The following IGSF11 variants were observed in gnomAD, a reference collection of about 807,000 sequenced individuals.
IGSF11 encodes immunoglobulin superfamily member 11, also known as CXADR like 1.
In IGSF11, 22 loss-of-function variants were observed where a neutral mutation model predicts 41.0. The observed-to-expected ratio is 0.54, with a 90% CI of 0.38 to 0.77. IGSF11 has a LOEUF of 0.77. IGSF11 is among the 30% of genes least tolerant of loss of function. IGSF11 has a pLI of 0.00. For synonymous variants in IGSF11, 219 were observed against 201.3 expected, an observed-to-expected ratio of 1.09 and a Z score of -0.74; for missense variants, 444 against 530.8, an observed-to-expected ratio of 0.84 and a Z score of 1.61.
At chr3:118,909,224 T>C (rs1039821323) in intron 4 of IGSF11, among the ~76,000 whole-genome samples, 2 of 152,114 alleles carry the variant, frequency 1.3e-5, no homozygotes, top group African/African-American at 4.8e-5. Flanking sequence ...TATATTTTCA[T>C]ATGACTTATA....
At chr3:118,957,895 C>A (rs1339861750) in intron 1 of IGSF11, among the ~76,000 whole-genome samples, 1 of 152,142 alleles carries the variant, frequency 6.6e-6, no homozygotes. Flanking sequence ...GGACATCAAC[C>A]CACAAACTTC....
chr3:119,056,492 C>T (rs1941839819), intron 1 of IGSF11, among the ~76,000 whole-genome samples: 1 of 152,094 alleles, frequency 6.6e-6, no homozygotes, highest in African/African-American at 2.4e-5. Flanking sequence ...AGCTTACCAA[C>T]CAAAAAAAGT....
Position 118,902,466 on chromosome 3 carries a change from C to CCCATT in IGSF11, c.*53_*54insAATGG. On this transcript the variant is annotated 3_prime_UTR_variant, in exon 7 of 7. Coordinates refer to ENST00000393775, the MANE Select transcript of IGSF11 (RefSeq NM_001015887.3). ...CAGCACTCCCCACCCCACCCTCCCC[C>CCCATT]TTGTATGAGGGCATTCCATTTATTC... is the stretch of plus-strand genomic sequence containing the variant. 1.1e-6 allele frequency: 1 copy of CCCATT among 878,270 alleles called. No individual in the cohort carries two copies. The highest frequency in any genetic ancestry group is 1.8e-6 in the Non-Finnish European group (1 of 544,884). 54.4% of individuals were successfully genotyped at this position (878,270 alleles called of 1,614,324 possible). A position where few individuals can be genotyped will look rare whatever the true frequency, so the allele number is the denominator to read the frequency against.
intron 1 of IGSF11, among the ~76,000 whole-genome samples, chr3:119,047,579 A>G (rs1941416170): frequency 6.6e-6 from 1 of 152,368 alleles, no homozygotes; most frequent in East Asian, 1.9e-4. Flanking sequence ...TCAACATTAG[A>G]CAGACCAATG....
At chr3:118,933,602 A>C (rs992368120) in intron 1 of IGSF11, among the ~76,000 whole-genome samples, 1 of 151,990 alleles carries the variant, frequency 6.6e-6, no homozygotes. Context: ...AATACAGCTC[A>C]AGGTCGCACA....
intron 1 of IGSF11, among the ~76,000 whole-genome samples, chr3:119,081,566 T>C (rs2076586952): frequency 6.6e-6 from 1 of 152,234 alleles, no homozygotes; most frequent in African/African-American, 2.4e-5. Context: ...GTTTCTTTTC[T>C]AACATATGCT....
intron 1 of IGSF11, among the ~76,000 whole-genome samples, chr3:119,048,561 C>G (rs1048822702): frequency 6.6e-6 from 1 of 152,104 alleles, no homozygotes; most frequent in Non-Finnish European, 1.5e-5. Flanking sequence ...CTAATTCTAC[C>G]AGAGGTACAA....
upstream of IGSF11, among the ~76,000 whole-genome samples, chr3:119,038,343 T>C (rs929548413): frequency 1.1e-4 from 16 of 152,270 alleles, no homozygotes; most frequent in Admixed American, 6.5e-4. Context: ...TTCTTACATC[T>C]GTTTCTTCCC....
intron 1 of IGSF11, among the ~76,000 whole-genome samples, chr3:118,971,526 C>T (rs529658460): frequency 8.5e-5 from 13 of 152,174 alleles, no homozygotes; most frequent in East Asian, 3.9e-4. Context: ...ATAGTTGGGC[C>T]GGGCGCAGTG....
Position 118,904,637 on chromosome 3 carries a change from G to C in IGSF11, c.854+11C>G. 1 of 1,594,746 alleles carries C rather than the reference G, an allele frequency of 6.3e-7. No homozygotes were observed. The highest frequency in any genetic ancestry group is 1.4e-5 in the African/African-American group (1 of 74,048). On this transcript the variant is annotated intron_variant, in intron 6 of 6. Transcript: ENST00000393775. ...TATGCAGGACAAATTTTAAAAATCTGACATACAAACCTTATTTCATTAGGA... is the reference window on the plus strand; with the variant it reads ...TATGCAGGACAAATTTTAAAAATCTCACATACAAACCTTATTTCATTAGGA...
At chr3:118,974,810 T>G (rs1010514316) in intron 1 of IGSF11, among the ~76,000 whole-genome samples, 2 of 151,926 alleles carry the variant, frequency 1.3e-5, no homozygotes, top group Admixed American at 6.5e-5. Context: ...CTTATCATTT[T>G]CTTTATCACT....
intron 1 of IGSF11, among the ~76,000 whole-genome samples, chr3:118,936,668 TA>T: frequency 6.6e-6 from 1 of 152,306 alleles, no homozygotes; most frequent in East Asian, 1.9e-4. Flanking sequence ...AGCAATTACA[TA>T]AAAAGGATAT....
rs1184265201 is a variant in IGSF11 at position 119,050,246 on chromosome 3, C to T, written c.49+54898G>A. Among the ~76,000 whole-genome samples, 6 of 152,186 alleles carry T rather than the reference C, an allele frequency of 3.9e-5. No homozygotes were observed. The East Asian group carries it at 1.2e-3, about 29-fold the overall frequency. ...AATGGGAGAAAATTTTCGCAACCTA[C>T]TCATCTGACAAAGGGCTAATATCCA... On this transcript the variant is annotated intron_variant, in intron 1 of 6. Coordinates refer to the IGSF11 transcript ENST00000354673.
chr3:118,926,068 C>T, intron 4 of IGSF11, 33 bp downstream of exon 4: 1 of 1,405,256 alleles, frequency 7.1e-7, no homozygotes, highest in South Asian at 1.7e-5. Context: ...TCCATGATAA[C>T]TAATAAAATG....
intron 1 of IGSF11, among the ~76,000 whole-genome samples, chr3:119,032,217 T>C (rs1940470280): frequency 6.6e-6 from 1 of 152,204 alleles, no homozygotes. Context: ...CTAGCATCCA[T>C]TTCCCTTTAC....
chr3:119,061,748 A>G (rs7652576), intron 1 of IGSF11, among the ~76,000 whole-genome samples: 31,189 of 151,424 alleles, frequency 0.21, 4,399 homozygotes, highest in African/African-American at 0.39. Context: ...ATGTATCTAT[A>G]TACGTGGTTC....
intron 1 of IGSF11, among the ~76,000 whole-genome samples, chr3:119,018,816 C>T (rs915010174): frequency 2.0e-5 from 3 of 152,198 alleles, no homozygotes; most frequent in Non-Finnish European, 4.4e-5. Flanking sequence ...ATGTGTGAGA[C>T]TCAGAGAGGC....
chr3:119,053,370 G>A (rs558725126), intron 1 of IGSF11, among the ~76,000 whole-genome samples: 17 of 152,066 alleles, frequency 1.1e-4, no homozygotes, highest in East Asian at 9.7e-4. Context: ...CACCAACAGC[G>A]ACCAAGCTGA....
intron 1 of IGSF11, among the ~76,000 whole-genome samples, chr3:119,058,997 A>G (rs1054384367): frequency 1.0e-3 from 153 of 151,888 alleles, no homozygotes; most frequent in African/African-American, 3.3e-3. Context: ...GAGGGGAGGG[A>G]TAGCATTAGG....
Sources: gnomAD v4.1 joint callset for allele counts (sites outside exome capture counted in the v4.1 genomes callset) on GRCh38, gnomAD v4.1.1 for gene constraint, MANE v1.5 for transcripts, NCBI Gene and HGNC (gene_info 2026-07-23, HGNC 2026-07-21) for gene names.